The following CNTN5 variants were observed in gnomAD, a reference collection of about 807,000 sequenced individuals.
CNTN5 encodes the protein contactin 5.
In CNTN5, 77 loss-of-function variants were observed where a neutral mutation model predicts 129.1. The observed-to-expected ratio is 0.60, with a 90% CI of 0.50 to 0.72. CNTN5 has a LOEUF of 0.72. Ranked by LOEUF, CNTN5 falls within the 30% of genes least tolerant of loss-of-function variation. The pLI, the probability that CNTN5 is intolerant of heterozygous loss-of-function variation, is 0.00. For synonymous variants in CNTN5, 509 were observed against 465.6 expected, an observed-to-expected ratio of 1.09 and a Z score of -1.20; for missense variants, 1,478 against 1,328.8, an observed-to-expected ratio of 1.11 and a Z score of -1.75.
chr11:99,434,070 T>A (rs1015035599), intron 2 of CNTN5, among the ~76,000 whole-genome samples: 4 of 152,140 alleles, frequency 2.6e-5, no homozygotes, highest in African/African-American at 9.6e-5. Context: ...ACAATGAAGA[T>A]CACAGTTCCA....
chr11:99,477,258 A>C (rs910380944), intron 2 of CNTN5, among the ~76,000 whole-genome samples: 2 of 152,004 alleles, frequency 1.3e-5, no homozygotes, highest in African/African-American at 4.8e-5. Flanking sequence ...AAAATAATTT[A>C]GTACCCCTAC....
At chr11:99,903,905 GA>G (rs1052352924) in intron 6 of CNTN5, among the ~76,000 whole-genome samples, 1 of 152,050 alleles carries the variant, frequency 6.6e-6, no homozygotes, top group Admixed American at 6.6e-5. Context: ...ATGGGCACCA[GA>G]TAAAAGTATT....
intron 7 of CNTN5, among the ~76,000 whole-genome samples, chr11:99,944,746 G>A (rs1396934134): frequency 6.6e-6 from 1 of 152,016 alleles, no homozygotes; most frequent in Non-Finnish European, 1.5e-5. Flanking sequence ...CAAATCATGA[G>A]TGAACTCCCA....
chr11:100,259,663 A>G (rs1335883998), intron 17 of CNTN5, among the ~76,000 whole-genome samples: 1 of 152,178 alleles, frequency 6.6e-6, no homozygotes. Context: ...ACACAACTAC[A>G]TGGAAACTGA....
At chr11:99,670,714 G>T (rs965371348) in intron 3 of CNTN5, among the ~76,000 whole-genome samples, 6 of 152,084 alleles carry the variant, frequency 3.9e-5, no homozygotes, top group African/African-American at 1.4e-4. Flanking sequence ...GGGGTGTGGG[G>T]GGACCAAATG....
intron 7 of CNTN5, among the ~76,000 whole-genome samples, chr11:99,929,254 TTCTG>T (rs1380537674): frequency 2.6e-5 from 4 of 152,220 alleles, no homozygotes; most frequent in Admixed American, 2.6e-4. Flanking sequence ...TCCCCCATCT[TTCTG>T]TCTTCTGAGC....
At chr11:100,079,457 G>A (rs998331501) in intron 13 of CNTN5, among the ~76,000 whole-genome samples, 3 of 152,078 alleles carry the variant, frequency 2.0e-5, no homozygotes, top group Non-Finnish European at 2.9e-5. Context: ...CAAACCTGTC[G>A]TCATTTATTC....
intron 1 of CNTN5, among the ~76,000 whole-genome samples, chr11:99,199,072 G>C (rs1190893754): frequency 1.3e-5 from 2 of 152,122 alleles, no homozygotes; most frequent in African/African-American, 4.8e-5. Flanking sequence ...TGATTGTATG[G>C]AAAGACAGGC....
intron 13 of CNTN5, among the ~76,000 whole-genome samples, chr11:100,180,123 A>T (rs923247459): frequency 2.0e-5 from 3 of 152,066 alleles, no homozygotes; most frequent in Admixed American, 6.6e-5. Flanking sequence ...AATTATAGGC[A>T]ATATCTCATG....
intron 13 of CNTN5, among the ~76,000 whole-genome samples, chr11:100,140,285 G>A (rs1946653892): frequency 6.6e-6 from 1 of 152,166 alleles, no homozygotes; most frequent in South Asian, 2.1e-4. Flanking sequence ...AACTGTATGG[G>A]TGCAGGCATA....
chr11:99,657,250 A>G (rs1400892265), intron 3 of CNTN5, among the ~76,000 whole-genome samples: 1 of 152,062 alleles, frequency 6.6e-6, no homozygotes, highest in African/African-American at 2.4e-5. Flanking sequence ...TCTTTCCAGA[A>G]GTGTTTGAAA....
intron 3 of CNTN5, among the ~76,000 whole-genome samples, chr11:99,791,899 C>G (rs1000332577): frequency 1.3e-5 from 2 of 152,004 alleles, no homozygotes; most frequent in African/African-American, 2.4e-5. Flanking sequence ...TGTTTTGGCT[C>G]TCAGATTGGA....
chr11:100,309,388 A>G (rs1951423737), intron 21 of CNTN5: 1 of 969,148 alleles, frequency 1.0e-6, no homozygotes, highest in African/African-American at 1.8e-5. Flanking sequence ...ATTAACATAC[A>G]GCTGGCATTA....
At chr11:99,367,850 G>A (rs1421528962) in intron 2 of CNTN5, among the ~76,000 whole-genome samples, 1 of 152,106 alleles carries the variant, frequency 6.6e-6, no homozygotes, top group Non-Finnish European at 1.5e-5. Context: ...CTCATTTGAG[G>A]TAATTAGAAG....
intron 1 of CNTN5, among the ~76,000 whole-genome samples, chr11:99,267,980 G>T (rs897680706): frequency 1.3e-5 from 2 of 150,270 alleles, no homozygotes; most frequent in African/African-American, 2.4e-5. Context: ...ATCAAGTCTT[G>T]TTTGGGTGCA....
At chr11:99,086,870 C>A (rs1046046075) in intron 1 of CNTN5, among the ~76,000 whole-genome samples, 2 of 152,058 alleles carry the variant, frequency 1.3e-5, no homozygotes, top group Non-Finnish European at 2.9e-5. Context: ...TTACCATATG[C>A]CAGATATAGC....
At chr11:99,364,433 A>G (rs1939318726) in intron 2 of CNTN5, among the ~76,000 whole-genome samples, 1 of 152,070 alleles carries the variant, frequency 6.6e-6, no homozygotes, top group Non-Finnish European at 1.5e-5. Flanking sequence ...AAATGTTTTC[A>G]TTTAAGCTTA....
chr11:99,819,240 C>T (rs977947822), intron 3 of CNTN5, among the ~76,000 whole-genome samples: 2 of 146,544 alleles, frequency 1.4e-5, no homozygotes, highest in African/African-American at 5.1e-5. Context: ...CTCTCTCTCT[C>T]TACTTGCTTT....
At chr11:99,183,366 C>T (rs1050484873) in intron 1 of CNTN5, among the ~76,000 whole-genome samples, 1 of 152,114 alleles carries the variant, frequency 6.6e-6, no homozygotes, top group Non-Finnish European at 1.5e-5. Flanking sequence ...AGAAGTTATT[C>T]CTCTAAGTGA....
Sources: allele counts gnomAD v4.1 joint callset (sites outside exome capture counted in the v4.1 genomes callset), GRCh38; gene constraint gnomAD v4.1.1; transcripts MANE v1.5; gene names NCBI Gene and HGNC (gene_info 2026-07-23, HGNC 2026-07-21).